EFCAB7: variants seen among roughly 807,000 people sequenced by gnomAD.
The protein encoded by EFCAB7 is EF-hand calcium-binding domain-containing protein 7.
A neutral mutation model predicts 77.1 loss-of-function variants in EFCAB7; 66 were observed. The ratio of observed to expected loss-of-function variants is 0.86; its 90% CI spans 0.70 to 1.05. The LOEUF (loss-of-function observed/expected upper bound fraction) is 1.05. Among genes scored for constraint, EFCAB7 ranks in the 50% least tolerant of loss-of-function variants. EFCAB7 has a pLI of 0.00. For missense variants in EFCAB7, 638 were observed against 730.5 expected (o/e 0.87, Z 1.46); for synonymous variants, 225 against 243.3 (o/e 0.92, Z 0.70).
rs752696467 is a variant in EFCAB7, at chr1:63,525,594, G to A, written c.22G>A (p.Asp8Asn). 1.8e-5 allele frequency: 28 copies of A among 1,568,990 alleles called. No homozygotes were observed. In the Admixed American group the frequency reaches 3.6e-4, roughly 20 times the overall value. ...TAGAATGGCGATCAGTCCACGAAGCGATGCAACTTTCTCCAGTCAGAAATC... is the reference window on the plus strand; with the variant it reads ...TAGAATGGCGATCAGTCCACGAAGCAATGCAACTTTCTCCAGTCAGAAATC... MAISPRS[D>N]ATFSSQKSTP... The change falls in exon 2 of 14, where the codon GAT (aspartate) becomes AAT (asparagine). Residue 8 changes from aspartate to asparagine, a missense_variant. Physicochemically the swap from Asp to Asn is conservative, Grantham distance 23 (BLOSUM62 1). Transcript: ENST00000371088.
At chr1:63,583,497 C>G in the EFCAB7 span, among the ~76,000 whole-genome samples, 1 of 152,120 alleles carries the variant, frequency 6.6e-6, no homozygotes, top group Non-Finnish European at 1.5e-5. Context: ...CCTGGCCACA[C>G]GGAACCCCAT....
intron 7 of EFCAB7, 78 bp from the exon 8 acceptor site, chr1:63,551,647 T>C: frequency 1.7e-6 from 1 of 588,218 alleles, no homozygotes. Flanking sequence ...AAGAAACTAG[T>C]AACTTATTTT....
chr1:63,534,469 C>T (rs1409934399), intron 6 of EFCAB7: 4 of 266,734 alleles, frequency 1.5e-5, no homozygotes, highest in African/African-American at 8.8e-5. Context: ...AAGTTATATA[C>T]TTTGGGAAGC....
Position 63,555,518 on chromosome 1 carries a change from A to G in EFCAB7, c.1214+3A>G. On this transcript the variant is annotated splice_donor_region_variant and intron_variant, in intron 9 of 13. Coordinates refer to ENST00000371088, the MANE Select transcript of EFCAB7 (RefSeq NM_032437.4). ...TTATTCCTTACAAAGGAATTTAAGT[A>G]AGTTTTGTTTATTAATGTTAGAATT... is the stretch of plus-strand genomic sequence containing the variant. 6.2e-7 allele frequency: 1 copy of G among 1,610,220 alleles called. No individual in the cohort carries two copies. Among genetic ancestry groups the G allele is most frequent in the Non-Finnish European group, 8.5e-7 (1 of 1,177,712 alleles).
At chr1:63,571,754 A>G (rs1188228138) in intron 13 of EFCAB7, among the ~76,000 whole-genome samples, 1 of 151,518 alleles carries the variant, frequency 6.6e-6, no homozygotes, top group Non-Finnish European at 1.5e-5. Context: ...AAATAAAATG[A>G]TGTATGTACA....
chr1:63,584,696 G>C, the EFCAB7 span, among the ~76,000 whole-genome samples: 1 of 152,194 alleles, frequency 6.6e-6, no homozygotes. Context: ...GAAGACTTAT[G>C]ATGATCCACT....
intron 10 of EFCAB7, among the ~76,000 whole-genome samples, chr1:63,560,245 C>T (rs1197173762): frequency 1.3e-5 from 2 of 152,024 alleles, no homozygotes; most frequent in Non-Finnish European, 2.9e-5. Flanking sequence ...AGCCACTGCG[C>T]CTGGCCCAAG....
At chr1:63,543,322 C>T (rs985100068) in intron 6 of EFCAB7, among the ~76,000 whole-genome samples, 18 of 152,186 alleles carry the variant, frequency 1.2e-4, no homozygotes, top group African/African-American at 4.3e-4. Flanking sequence ...GCTAGTACCA[C>T]ACCCTTTTGA....
Position 63,568,181 on chromosome 1 carries a change from A to G in EFCAB7, c.1498-129A>G, listed in dbSNP as rs374546660. 15 of 757,356 alleles carry G rather than the reference A, an allele frequency of 2.0e-5. 1 individual carries two copies. In the African/African-American group the frequency reaches 2.6e-4, roughly 13 times the overall value. 46.9% of individuals were successfully genotyped at this position (757,356 alleles called of 1,614,324 possible). ...CTTATTACTCAATTCATAGTACTAA[A>G]ATTTTCCTCTAAAAGTTTATTAGAA... is the stretch of plus-strand genomic sequence containing the variant. On this transcript the variant is annotated intron_variant, in intron 11 of 13. Coordinates refer to ENST00000371088, the MANE Select transcript of EFCAB7 (RefSeq NM_032437.4).
intron 6 of EFCAB7, among the ~76,000 whole-genome samples, chr1:63,544,942 G>A (rs544766169): frequency 2.6e-3 from 348 of 133,608 alleles, no homozygotes; most frequent in Middle Eastern, 4.5e-3. Flanking sequence ...TTTTTGAGAC[G>A]GTGTCTTGCC....
intron 11 of EFCAB7, among the ~76,000 whole-genome samples, chr1:63,564,559 G>A (rs992607923): frequency 6.6e-6 from 1 of 152,156 alleles, no homozygotes; most frequent in African/African-American, 2.4e-5. Context: ...AGAAATCAGA[G>A]ATGACACAAA....
intron 6 of EFCAB7, among the ~76,000 whole-genome samples, chr1:63,541,687 C>T (rs1018570331): frequency 6.6e-6 from 1 of 152,024 alleles, no homozygotes; most frequent in East Asian, 1.9e-4. Context: ...ACCTCAGCCT[C>T]CTGAGGCTGG....
At chr1:63,539,466 T>C (rs1646803059) in intron 6 of EFCAB7, among the ~76,000 whole-genome samples, 1 of 152,200 alleles carries the variant, frequency 6.6e-6, no homozygotes, top group South Asian at 2.1e-4. Flanking sequence ...ATTCATAAAG[T>C]TTATTTTAAA....
chr1:63,558,640 A>C (rs1647057016), intron 10 of EFCAB7, among the ~76,000 whole-genome samples: 1 of 152,212 alleles, frequency 6.6e-6, no homozygotes, highest in African/African-American at 2.4e-5. Context: ...TTAAGGTTTT[A>C]ATGTTTCCCC....
chr1:63,545,858 A>C, intron 6 of EFCAB7, 58 bp from the exon 7 acceptor site: 1 of 1,422,022 alleles, frequency 7.0e-7, no homozygotes, highest in Non-Finnish European at 9.9e-7. Flanking sequence ...CCTCATTACT[A>C]TGCATACTGG....
chr1:63,546,152 A>C, intron 7 of EFCAB7, 95 bp downstream of exon 7: 1 of 1,318,518 alleles, frequency 7.6e-7, no homozygotes, highest in South Asian at 1.4e-5. Context: ...TTAGGGAAGA[A>C]AATAATCTGC....
chr1:63,556,911 G>T (rs1021953995), intron 9 of EFCAB7, among the ~76,000 whole-genome samples: 1 of 150,934 alleles, frequency 6.6e-6, no homozygotes, highest in African/African-American at 2.4e-5. Flanking sequence ...GGTGGCGGGC[G>T]CCTATAGTCC....
chr1:63,571,118 A>G lies in EFCAB7; in HGVS notation c.1805A>G (p.Lys602Arg). 2 of 1,604,646 alleles carry G rather than the reference A, an allele frequency of 1.2e-6. No individual in the cohort carries two copies. Residue 602 changes from lysine (K) to arginine (R), a missense_variant, in exon 13 of 14, where the codon AAA (lysine) becomes AGA (arginine). By Grantham distance (26) the Lys-to-Arg change is conservative. Coordinates refer to ENST00000371088, the MANE Select transcript of EFCAB7 (RefSeq NM_032437.4). ...ATATTTGCAGTAGAAGTGGGACCCA[A>G]ATCTACAATGGTAATGTATTATTTT... ...LNIFAVEVGPKSTMVCQHVMP... is the reference protein window; with the variant it reads ...LNIFAVEVGPRSTMVCQHVMP...
chr1:63,550,266 C>T (rs377595998), intron 7 of EFCAB7: 3 of 152,292 alleles, frequency 2.0e-5, no homozygotes, highest in Admixed American at 6.5e-5. Flanking sequence ...CCTGTTTCCA[C>T]ATTTTATTAT....
Sources: allele counts gnomAD v4.1 joint callset (sites outside exome capture counted in the v4.1 genomes callset), GRCh38; gene constraint gnomAD v4.1.1; transcripts MANE v1.5; gene names NCBI Gene and HGNC (gene_info 2026-07-23, HGNC 2026-07-21).